The following MSI2 variants were observed in gnomAD, a reference collection of about 807,000 sequenced individuals.
MSI2 encodes musashi RNA binding protein 2.
A neutral mutation model predicts 45.6 loss-of-function variants in MSI2; 17 were observed. The ratio of observed to expected loss-of-function variants is 0.37; its 90% CI spans 0.26 to 0.56. MSI2 has a LOEUF of 0.56. Among genes scored for constraint, MSI2 ranks in the 20% least tolerant of loss-of-function variants. The pLI, the probability that MSI2 is intolerant of heterozygous loss-of-function variation, is 0.77. For missense variants in MSI2, 293 were observed against 444.2 expected (o/e 0.66, Z 3.06); for synonymous variants, 156 against 158.2 (o/e 0.99, Z 0.11).
chr17:57,629,266 T>C (rs1357254921), intron 10 of MSI2: 1 of 152,102 alleles, frequency 6.6e-6, no homozygotes, highest in African/African-American at 2.4e-5. Flanking sequence ...CCGTCTCTAC[T>C]AAAAATATAA....
intron 7 of MSI2, among the ~76,000 whole-genome samples, chr17:57,548,963 G>A (rs1403129198): frequency 1.6e-5 from 2 of 126,616 alleles, no homozygotes; most frequent in African/African-American, 3.1e-5. Flanking sequence ...ACTTTACAGT[G>A]GTTATTCTCA....
chr17:57,575,152 C>G (rs1417174951), intron 7 of MSI2, among the ~76,000 whole-genome samples: 2 of 105,624 alleles, frequency 1.9e-5, no homozygotes, highest in African/African-American at 4.4e-5. Flanking sequence ...TTAACTCCCT[C>G]CCCCCGCCAC....
intron 10 of MSI2, among the ~76,000 whole-genome samples, chr17:57,651,287 C>T (rs945565859): frequency 1.2e-4 from 19 of 152,108 alleles, no homozygotes; most frequent in African/African-American, 4.3e-4. Context: ...AAGAAGAAAT[C>T]CAGGGACCCG....
intron 6 of MSI2, among the ~76,000 whole-genome samples, chr17:57,415,422 A>C (rs916199403): frequency 6.6e-6 from 1 of 152,102 alleles, no homozygotes; most frequent in East Asian, 1.9e-4. Flanking sequence ...ACAATTCTCA[A>C]CTTTGGAATT....
At chr17:57,409,804 C>T (rs552741759) in intron 6 of MSI2, among the ~76,000 whole-genome samples, 46 of 151,950 alleles carry the variant, frequency 3.0e-4, no homozygotes, top group East Asian at 1.6e-3. Flanking sequence ...GTCAGGAGTT[C>T]GAGACCAGCC....
chr17:57,329,035 A>AGT (rs34597237), intron 5 of MSI2, among the ~76,000 whole-genome samples: 15,476 of 152,132 alleles, frequency 0.1, 808 homozygotes, highest in South Asian at 0.12. Context: ...CGGAGGTTGC[A>AGT]GTGAGCCAAG....
chr17:57,360,431 A>T (rs967778359), intron 5 of MSI2, among the ~76,000 whole-genome samples: 1 of 152,192 alleles, frequency 6.6e-6, no homozygotes, highest in Admixed American at 6.5e-5. Flanking sequence ...CTTGCTGAGT[A>T]GGGTTTTGGC....
At chr17:57,516,940 A>G (rs902885158) in intron 6 of MSI2, among the ~76,000 whole-genome samples, 6 of 152,324 alleles carry the variant, frequency 3.9e-5, no homozygotes, top group African/African-American at 1.2e-4. Flanking sequence ...GACTGGACTC[A>G]TATCCTTTTT....
At chr17:57,330,508 A>G (rs1056827263) in intron 5 of MSI2, among the ~76,000 whole-genome samples, 1 of 151,678 alleles carries the variant, frequency 6.6e-6, no homozygotes, top group Non-Finnish European at 1.5e-5. Flanking sequence ...TGAACTCCTG[A>G]CCTCAGGTTA....
chr17:57,257,143 G>T lies in MSI2; in HGVS notation c.103+5G>T. The T allele has an allele frequency of 6.3e-7, 1 of 1,580,168 alleles. No individual in the cohort carries two copies. Among genetic ancestry groups the T allele is most frequent in the South Asian group, 1.1e-5 (1 of 89,202 alleles). ...TGAGCTGGCAGACCTCACCAGGTAA[G>T]GGAGGGAGGGGGGGACGCCTGGGTC... On this transcript the variant is annotated splice_donor_5th_base_variant and intron_variant, in intron 2 of 13. Transcript: ENST00000284073.
intron 5 of MSI2, among the ~76,000 whole-genome samples, chr17:57,309,843 G>A (rs1314713246): frequency 1.3e-5 from 2 of 152,142 alleles, no homozygotes; most frequent in Non-Finnish European, 2.9e-5. Flanking sequence ...AAGGGTTCTC[G>A]AGGCCCGAGT....
chr17:57,323,827 T>G (rs1383180415), intron 5 of MSI2, among the ~76,000 whole-genome samples: 1 of 152,252 alleles, frequency 6.6e-6, no homozygotes, highest in Non-Finnish European at 1.5e-5. Flanking sequence ...CATCTAGGTC[T>G]TAATTTCTTG....
At chr17:57,388,741 C>T (rs2083728939) in intron 5 of MSI2, among the ~76,000 whole-genome samples, 1 of 152,028 alleles carries the variant, frequency 6.6e-6, no homozygotes, top group Non-Finnish European at 1.5e-5. Context: ...GCAACCTCTG[C>T]CTCCTGGGTT....
chr17:57,637,435 T>C (rs1909924636), intron 10 of MSI2, among the ~76,000 whole-genome samples: 1 of 152,140 alleles, frequency 6.6e-6, no homozygotes, highest in Non-Finnish European at 1.5e-5. Flanking sequence ...TTTGCAGAAA[T>C]GAATTGGAGC....
At chr17:57,293,745 G>A (rs2141159) in intron 5 of MSI2, among the ~76,000 whole-genome samples, 128,142 of 151,478 alleles carry the variant, frequency 0.85, 54,218 homozygotes, top group Middle Eastern at 0.93. Context: ...AGTAGCTGGG[G>A]TTACAGGCAT....
At chr17:57,287,902 C>A (rs774594547) in intron 5 of MSI2, among the ~76,000 whole-genome samples, 12 of 152,148 alleles carry the variant, frequency 7.9e-5, no homozygotes, top group Non-Finnish European at 1.5e-4. Flanking sequence ...GTCAGATGAG[C>A]CCCTGGAGAC....
chr17:57,511,581 T>G (rs1469761573), intron 6 of MSI2, among the ~76,000 whole-genome samples: 1 of 152,136 alleles, frequency 6.6e-6, no homozygotes, highest in Non-Finnish European at 1.5e-5. Context: ...GTTTCTCTCG[T>G]GCGTACGGAT....
chr17:57,385,303 T>C (rs1465831960), intron 5 of MSI2, among the ~76,000 whole-genome samples: 1 of 152,230 alleles, frequency 6.6e-6, no homozygotes, highest in Non-Finnish European at 1.5e-5. Flanking sequence ...TGTTCATGTC[T>C]CCATCCTCAT....
intron 7 of MSI2, among the ~76,000 whole-genome samples, chr17:57,553,420 G>A (rs1037912450): frequency 6.6e-6 from 1 of 152,194 alleles, no homozygotes; most frequent in East Asian, 1.9e-4. Flanking sequence ...TGAAAGAGAC[G>A]TTTATTTGGT....
Sources: allele counts gnomAD v4.1 joint callset (sites outside exome capture counted in the v4.1 genomes callset), GRCh38; gene constraint gnomAD v4.1.1; transcripts MANE v1.5; gene names NCBI Gene and HGNC (gene_info 2026-07-23, HGNC 2026-07-21).